The following SNX7 variants were observed in gnomAD, a reference collection of about 807,000 sequenced individuals.
SNX7 encodes sorting nexin-7.
In SNX7, 35 loss-of-function variants were observed where a neutral mutation model predicts 48.4. The ratio of observed to expected loss-of-function variants is 0.72; its 90% CI spans 0.55 to 0.96. SNX7 has a LOEUF of 0.96. SNX7 is among the 40% of genes least tolerant of loss of function. SNX7 has a pLI of 0.00. For missense variants in SNX7, 553 were observed against 548.9 expected (o/e 1.01, Z -0.07); for synonymous variants, 190 against 190.2 (o/e 1.00, Z 0.01).
At chr1:98,715,138 T>C (rs1652520767) in intron 7 of SNX7, among the ~76,000 whole-genome samples, 1 of 152,198 alleles carries the variant, frequency 6.6e-6, no homozygotes, top group South Asian at 2.1e-4. Flanking sequence ...TCACCAGTTC[T>C]CTAATGTTTT....
At chr1:98,715,262 A>G (rs1652526199) in intron 7 of SNX7, among the ~76,000 whole-genome samples, 1 of 152,052 alleles carries the variant, frequency 6.6e-6, no homozygotes, top group African/African-American at 2.4e-5. Flanking sequence ...CTCCTATTTT[A>G]ACTTGTTTCA....
intron 7 of SNX7, among the ~76,000 whole-genome samples, chr1:98,723,016 G>A (rs895300753): frequency 3.9e-5 from 6 of 152,036 alleles, no homozygotes; most frequent in African/African-American, 1.4e-4. Flanking sequence ...AAACACTGGG[G>A]ATAACAATGA....
intron 8 of SNX7, among the ~76,000 whole-genome samples, chr1:98,759,124 G>A (rs961810322): frequency 1.3e-5 from 2 of 151,914 alleles, no homozygotes; most frequent in African/African-American, 4.8e-5. Flanking sequence ...TGACATGGAG[G>A]TAGTTGAGCC....
chr1:98,699,478 T>A (rs1651639865), intron 6 of SNX7, among the ~76,000 whole-genome samples: 1 of 152,204 alleles, frequency 6.6e-6, no homozygotes, highest in South Asian at 2.1e-4. Context: ...TATTTGGAAT[T>A]TAGCAATGCT....
chr1:98,661,721 G>T lies in SNX7; in HGVS notation c.-11G>T, dbSNP rs1404355817. 5 of 1,218,360 alleles carry T rather than the reference G, an allele frequency of 4.1e-6. No individual in the cohort carries two copies. Among genetic ancestry groups the T allele is most frequent in the Non-Finnish European group, 5.1e-6 (5 of 976,792 alleles). 75.5% of individuals were successfully genotyped at this position (1,218,360 alleles called of 1,614,324 possible). A position where few individuals can be genotyped will look rare whatever the true frequency, so the allele number is the denominator to read the frequency against. ...GCGGCGGTGGCGGCCGGCTGGGCGCGCACTCTCGGGATGGAGGGCGAGCGC... is the reference window on the plus strand; with the variant it reads ...GCGGCGGTGGCGGCCGGCTGGGCGCTCACTCTCGGGATGGAGGGCGAGCGC... On this transcript the variant is annotated 5_prime_UTR_variant, in exon 1 of 9. Coordinates refer to ENST00000306121, the MANE Select transcript of SNX7 (RefSeq NM_015976.5).
intron 1 of SNX7, among the ~76,000 whole-genome samples, chr1:98,668,587 T>C (rs775318869): frequency 1.3e-5 from 2 of 152,202 alleles, no homozygotes; most frequent in Non-Finnish European, 2.9e-5. Flanking sequence ...TTGCTATCCA[T>C]GAAAGAGAGT....
intron 8 of SNX7, among the ~76,000 whole-genome samples, chr1:98,744,991 A>G (rs1322352713): frequency 6.6e-6 from 1 of 152,094 alleles, no homozygotes; most frequent in South Asian, 2.1e-4. Context: ...GGTTTTCAAC[A>G]ATACTGGAAC....
chr1:98,667,827 A>G (rs1000393344), intron 1 of SNX7, among the ~76,000 whole-genome samples: 3 of 152,002 alleles, frequency 2.0e-5, no homozygotes, highest in Non-Finnish European at 4.4e-5. Context: ...TGACGATTAC[A>G]TGCCCTAATA....
At chr1:98,751,176 G>A (rs1193145453) in intron 8 of SNX7, among the ~76,000 whole-genome samples, 2 of 152,034 alleles carry the variant, frequency 1.3e-5, no homozygotes, top group East Asian at 3.9e-4. Flanking sequence ...ATTGAAAGCT[G>A]TATCGTATCT....
At chr1:98,687,605 G>A (rs1650875966) in intron 2 of SNX7, among the ~76,000 whole-genome samples, 1 of 152,068 alleles carries the variant, frequency 6.6e-6, no homozygotes, top group Non-Finnish European at 1.5e-5. Context: ...CTGACAAAAG[G>A]AACTTTCTGC....
chr1:98,697,831 C>T (rs990904770), intron 5 of SNX7, among the ~76,000 whole-genome samples: 3 of 152,010 alleles, frequency 2.0e-5, no homozygotes, highest in Admixed American at 6.6e-5. Context: ...GGAACAGAAT[C>T]AGAGGAGATT....
At chr1:98,752,657 T>C (rs1198405862) in intron 8 of SNX7, among the ~76,000 whole-genome samples, 1 of 152,078 alleles carries the variant, frequency 6.6e-6, no homozygotes, top group Non-Finnish European at 1.5e-5. Flanking sequence ...CATCTTAGCA[T>C]CAGTTGTTCA....
At chr1:98,670,909 AG>A (rs1649827535) in intron 1 of SNX7, among the ~76,000 whole-genome samples, 6 of 145,862 alleles carry the variant, frequency 4.1e-5, no homozygotes, top group Non-Finnish European at 1.5e-5. Flanking sequence ...TTTATTGGTC[AG>A]GAGCAATGAG....
intron 1 of SNX7, among the ~76,000 whole-genome samples, chr1:98,667,300 T>C (rs1048383298): frequency 6.6e-6 from 1 of 152,220 alleles, no homozygotes; most frequent in African/African-American, 2.4e-5. Flanking sequence ...AAATATGAAG[T>C]TCTGAAGAAA....
At chr1:98,736,789 T>G (rs1653800687) in intron 7 of SNX7, among the ~76,000 whole-genome samples, 2 of 152,166 alleles carry the variant, frequency 1.3e-5, no homozygotes, top group African/African-American at 4.8e-5. Flanking sequence ...AGGAGCTAAT[T>G]CAAGCATCAG....
In SNX7 at chr1:98,682,035, C is replaced by T. The variant is rs111780468; in HGVS notation, c.181-2850C>T. Among the ~76,000 whole-genome samples the T allele has an allele frequency of 2.9e-3, 445 of 152,126 alleles. 2 individuals are homozygous for T. The highest frequency in any genetic ancestry group is 3.9e-3 in the Non-Finnish European group (267 of 68,006). On this transcript the variant is annotated intron_variant, in intron 1 of 8. Transcript: ENST00000306121. ...AATTTATCTACAGATCTAACATAGG[C>T]ATGCTTCCTATCACATTTATGTCAT...
intron 7 of SNX7, among the ~76,000 whole-genome samples, chr1:98,733,247 A>T (rs1429671595): frequency 6.6e-6 from 1 of 152,094 alleles, no homozygotes; most frequent in Non-Finnish European, 1.5e-5. Flanking sequence ...TTGTTCTTCC[A>T]GTTAACCTTA....
intron 1 of SNX7, among the ~76,000 whole-genome samples, chr1:98,678,356 C>T (rs1650289130): frequency 6.6e-6 from 1 of 152,172 alleles, no homozygotes; most frequent in African/African-American, 2.4e-5. Flanking sequence ...GATCCAGACA[C>T]CTCCCACTAG....
chr1:98,731,308 C>A (rs1476468455), intron 7 of SNX7, among the ~76,000 whole-genome samples: 2 of 152,076 alleles, frequency 1.3e-5, no homozygotes, highest in African/African-American at 2.4e-5. Context: ...TCTCTCATAA[C>A]ATCTACCATG....
Sources: allele counts gnomAD v4.1 joint callset (sites outside exome capture counted in the v4.1 genomes callset), GRCh38; gene constraint gnomAD v4.1.1; transcripts MANE v1.5; gene names NCBI Gene and HGNC (gene_info 2026-07-23, HGNC 2026-07-21).